CCDC7: variants seen among roughly 807,000 people sequenced by gnomAD.
CCDC7 encodes coiled-coil domain-containing protein 7.
Under a neutral mutation model 196.9 loss-of-function variants are expected in CCDC7, and 183 were observed. That is an observed-to-expected ratio of 0.93 (90% CI 0.82 to 1.05). The LOEUF (loss-of-function observed/expected upper bound fraction) is 1.05. CCDC7 is among the 50% of genes least tolerant of loss of function. The probability of loss-of-function intolerance (pLI) is 0.00; values close to 1 mark genes in which losing one functional copy is unlikely to be tolerated. For synonymous variants in CCDC7, 525 were observed against 484.6 expected (o/e 1.08, Z -1.10); for missense variants, 1,540 against 1,482.2 (o/e 1.04, Z -0.64).
At chr10:32,849,307 A>T (rs746429582) in intron 39 of CCDC7, among the ~76,000 whole-genome samples, 1 of 152,092 alleles carries the variant, frequency 6.6e-6, no homozygotes, top group Non-Finnish European at 1.5e-5. Context: ...TTCTGGTCAA[A>T]TTATCAATTC....
intron 18 of CCDC7, among the ~76,000 whole-genome samples, chr10:32,614,335 G>C (rs2062538949): frequency 6.7e-6 from 1 of 149,556 alleles, no homozygotes; most frequent in Non-Finnish European, 1.5e-5. Flanking sequence ...TTTGCATGTA[G>C]ACACACATAG....
chr10:32,843,478 C>T (rs552117366), intron 33 of CCDC7, among the ~76,000 whole-genome samples: 7 of 151,954 alleles, frequency 4.6e-5, no homozygotes, highest in African/African-American at 1.7e-4. Flanking sequence ...AACATTGAAT[C>T]GAACACTTTA....
At chr10:32,726,775 T>A (rs1238321602) in exon 26 of CCDC7, 1 of 1,604,582 alleles carries the variant, frequency 6.2e-7, no homozygotes, top group Non-Finnish European at 8.5e-7. Context: ...AGATTCAGTG[T>A]CAAAACTCCA....
chr10:32,560,332 A>G (rs1219480944), intron 13 of CCDC7, among the ~76,000 whole-genome samples: 1 of 152,164 alleles, frequency 6.6e-6, no homozygotes, highest in East Asian at 1.9e-4. Flanking sequence ...CGCCACAAAG[A>G]TACTCCTCGA....
intron 21 of CCDC7, among the ~76,000 whole-genome samples, chr10:32,681,517 A>G (rs534249366): frequency 6.6e-6 from 1 of 152,148 alleles, no homozygotes; most frequent in African/African-American, 2.4e-5. Context: ...AAAATGTTAT[A>G]TGCCCAAGAG....
At chr10:32,823,898 A>G (rs980307301) in intron 31 of CCDC7, among the ~76,000 whole-genome samples, 2 of 152,214 alleles carry the variant, frequency 1.3e-5, no homozygotes, top group African/African-American at 4.8e-5. Context: ...TAAAAGAACC[A>G]GAGAGAAGAG....
intron 29 of CCDC7, among the ~76,000 whole-genome samples, chr10:32,803,619 T>TA (rs1447508419): frequency 1.1e-4 from 16 of 152,180 alleles, no homozygotes; most frequent in Non-Finnish European, 1.9e-4. Flanking sequence ...AGTCTATGTG[T>TA]GTCTTTACAG....
At chr10:32,607,752 A>G (rs1286338274) in intron 18 of CCDC7, among the ~76,000 whole-genome samples, 1 of 152,098 alleles carries the variant, frequency 6.6e-6, no homozygotes, top group Non-Finnish European at 1.5e-5. Context: ...GGCTTTTTGC[A>G]TCAATTTTCA....
chr10:32,814,554 AT>A, intron 31 of CCDC7, 101 bp downstream of exon 32: 2 of 756,436 alleles, frequency 2.6e-6, no homozygotes, highest in South Asian at 1.7e-5. Context: ...CCTATGAATT[AT>A]TACATAGGCA....
At chr10:32,702,703 C>T (rs1591779918) in intron 24 of CCDC7, among the ~76,000 whole-genome samples, 1 of 152,078 alleles carries the variant, frequency 6.6e-6, no homozygotes, top group African/African-American at 2.4e-5. Context: ...TCTGGGTGCT[C>T]CTGTATTGGG....
chr10:32,617,023 T>G (rs2062852603), intron 18 of CCDC7, among the ~76,000 whole-genome samples: 1 of 151,804 alleles, frequency 6.6e-6, no homozygotes, highest in Non-Finnish European at 1.5e-5. Flanking sequence ...ATATTGGGTG[T>G]TTGTATGTTT....
chr10:32,838,223 C>G (rs1309280341), intron 33 of CCDC7, among the ~76,000 whole-genome samples: 3 of 151,988 alleles, frequency 2.0e-5, no homozygotes, highest in Non-Finnish European at 4.4e-5. Flanking sequence ...CCTTAAACAT[C>G]AGAAATTTAT....
chr10:32,446,907 T>TG (rs1564594087), upstream of CCDC7, among the ~76,000 whole-genome samples: 3 of 76,248 alleles, frequency 3.9e-5, no homozygotes, highest in East Asian at 6.7e-4. Flanking sequence ...CCTGCCTGCC[T>TG]CCCTCCCTCC....
intron 12 of CCDC7, 108 bp from the exon 14 acceptor site, chr10:32,544,138 TA>T (rs1023615219): frequency 2.2e-6 from 2 of 913,424 alleles, no homozygotes; most frequent in Non-Finnish European, 3.2e-6. Flanking sequence ...TGAATTTTTT[TA>T]AAAAAACTTC....
chr10:32,488,000 T>C (rs1349211577), intron 8 of CCDC7, among the ~76,000 whole-genome samples: 4 of 152,182 alleles, frequency 2.6e-5, no homozygotes, highest in African/African-American at 9.6e-5. Context: ...GAACCACTAC[T>C]CTCTTCAAAG....
intron 18 of CCDC7, among the ~76,000 whole-genome samples, chr10:32,613,738 A>T (rs1372064277): frequency 1.3e-5 from 2 of 152,294 alleles, no homozygotes; most frequent in South Asian, 4.1e-4. Flanking sequence ...TGAGTTTCTT[A>T]ATCCTGAGTT....
upstream of CCDC7, among the ~76,000 whole-genome samples, chr10:32,445,544 T>C (rs1451060493): frequency 6.6e-6 from 1 of 152,168 alleles, no homozygotes; most frequent in African/African-American, 2.4e-5. Flanking sequence ...ATTAAAAACA[T>C]TTTACTTCGT....
At chr10:32,760,276 C>T (rs1306094464) in intron 28 of CCDC7, among the ~76,000 whole-genome samples, 1 of 152,134 alleles carries the variant, frequency 6.6e-6, no homozygotes, top group African/African-American at 2.4e-5. Context: ...AATGATACTG[C>T]TATAAAGACA....
At chr10:32,633,071 T>G (rs955971) in intron 18 of CCDC7, among the ~76,000 whole-genome samples, 1 of 152,236 alleles carries the variant, frequency 6.6e-6, no homozygotes, top group Non-Finnish European at 1.5e-5. Context: ...TGTTGTAGTA[T>G]CTATCTGTAA....
Sources: allele counts gnomAD v4.1 joint callset (sites outside exome capture counted in the v4.1 genomes callset), GRCh38; gene constraint gnomAD v4.1.1; transcripts MANE v1.5; gene names NCBI Gene and HGNC (gene_info 2026-07-23, HGNC 2026-07-21).